SNX30: variants seen among roughly 807,000 people sequenced by gnomAD.
SNX30 encodes sorting nexin family member 30.
A neutral mutation model predicts 46.4 loss-of-function variants in SNX30; 24 were observed. The observed-to-expected ratio is 0.52, with a 90% confidence interval of 0.37 to 0.73. SNX30 has a LOEUF of 0.73. SNX30 is among the 30% of genes least tolerant of loss of function. SNX30 has a pLI of 0.00. For synonymous variants in SNX30, 189 were observed against 211.5 expected, an observed-to-expected ratio of 0.89 and a Z score of 0.92; for missense variants, 533 against 555.7, an observed-to-expected ratio of 0.96 and a Z score of 0.41.
chr9:112,796,390 T>C (rs1211208781), intron 1 of SNX30, among the ~76,000 whole-genome samples: 4 of 152,216 alleles, frequency 2.6e-5, no homozygotes, highest in Admixed American at 2.6e-4. Context: ...AGAGAAGATG[T>C]TGTCCCCCTA....
At chr9:112,757,376 T>C (rs1413093959) in intron 1 of SNX30, among the ~76,000 whole-genome samples, 1 of 152,244 alleles carries the variant, frequency 6.6e-6, no homozygotes, top group Non-Finnish European at 1.5e-5. Flanking sequence ...ACACACACAG[T>C]ACAGTTTCTC....
chr9:112,814,476 A>G (rs1181344438), intron 2 of SNX30, among the ~76,000 whole-genome samples: 2 of 152,148 alleles, frequency 1.3e-5, no homozygotes, highest in African/African-American at 4.8e-5. Flanking sequence ...CCTGGACTCA[A>G]GCTATCTGCC....
chr9:112,880,080 C>T (rs1841559042), exon 5 of SNX30: 2 of 340,388 alleles, frequency 5.9e-6, no homozygotes, highest in Admixed American at 4.3e-5. Context: ...CCTGTAATCC[C>T]AACAGTTTGG....
chr9:112,757,044 TTTA>T (rs1839361096), intron 1 of SNX30, among the ~76,000 whole-genome samples: 1 of 152,208 alleles, frequency 6.6e-6, no homozygotes, highest in Non-Finnish European at 1.5e-5. Flanking sequence ...ACAGTACAAT[TTTA>T]TTATTAATAA....
intron 1 of SNX30, among the ~76,000 whole-genome samples, chr9:112,757,443 A>G (rs1839368835): frequency 6.6e-6 from 1 of 152,222 alleles, no homozygotes; most frequent in African/African-American, 2.4e-5. Flanking sequence ...GCTATTGTGA[A>G]TAATGCTGCA....
chr9:112,853,279 C>G (rs1387397008), intron 7 of SNX30, among the ~76,000 whole-genome samples: 2 of 152,236 alleles, frequency 1.3e-5, no homozygotes. Flanking sequence ...CTGGTTCCTC[C>G]TGCCACAGGC....
chr9:112,804,522 CTT>C (rs1840193800), intron 1 of SNX30, among the ~76,000 whole-genome samples: 1 of 152,184 alleles, frequency 6.6e-6, no homozygotes. Flanking sequence ...GAACTGCTTA[CTT>C]ATATTGGTTT....
chr9:112,783,173 G>T (rs1213810987), intron 1 of SNX30, among the ~76,000 whole-genome samples: 4 of 152,210 alleles, frequency 2.6e-5, no homozygotes, highest in African/African-American at 9.6e-5. Context: ...TTCTTGTCCG[G>T]TAGGTAACTG....
At chr9:112,807,191 G>A (rs1014391565) in intron 2 of SNX30, among the ~76,000 whole-genome samples, 2 of 151,002 alleles carry the variant, frequency 1.3e-5, no homozygotes, top group Admixed American at 1.3e-4. Context: ...TCAGCCTCCC[G>A]AGTAGCTGGG....
At chr9:112,864,498 C>T in intron 8 of SNX30, 99 bp downstream of exon 8, 2 of 1,485,186 alleles carry the variant, frequency 1.3e-6, no homozygotes, top group Non-Finnish European at 1.9e-6. Context: ...AGTCTCATCT[C>T]CTTCCCTTAT....
intron 2 of SNX30, among the ~76,000 whole-genome samples, chr9:112,815,001 C>T (rs1282021242): frequency 1.3e-5 from 2 of 151,962 alleles, no homozygotes; most frequent in East Asian, 1.9e-4. Context: ...CCAAGATGTG[C>T]TAAAAGAGAT....
chr9:112,764,534 G>A (rs984053937), intron 1 of SNX30, among the ~76,000 whole-genome samples: 3 of 152,118 alleles, frequency 2.0e-5, no homozygotes, highest in African/African-American at 7.2e-5. Context: ...GTGTCACTGT[G>A]CCTGGCTAAT....
At chr9:112,832,453 AGAGAGAGTGTGTGTGT>A (rs1161335145) in intron 4 of SNX30, among the ~76,000 whole-genome samples, 6 of 121,324 alleles carry the variant, frequency 4.9e-5, no homozygotes, top group African/African-American at 2.3e-4. Context: ...AGAGAGAGAG[AGAGAGAGTGTGTGTGT>A]GTGTGTGTGT....
downstream of SNX30, among the ~76,000 whole-genome samples, chr9:112,883,129 C>A (rs1013163154): frequency 1.3e-5 from 2 of 152,236 alleles, no homozygotes; most frequent in South Asian, 2.1e-4. Flanking sequence ...TGGAGTTGAG[C>A]AGGGGGAACC....
At chr9:112,863,589 A>T (rs1841272738) in intron 7 of SNX30, among the ~76,000 whole-genome samples, 1 of 152,224 alleles carries the variant, frequency 6.6e-6, no homozygotes, top group Admixed American at 6.5e-5. Flanking sequence ...TGAATTTCAA[A>T]TTTTTTTGAC....
chr9:112,855,280 C>G (rs746649671), intron 7 of SNX30, among the ~76,000 whole-genome samples: 8 of 152,024 alleles, frequency 5.3e-5, no homozygotes, highest in Admixed American at 1.3e-4. Context: ...CCCAGGGCCT[C>G]GGCTAGGTCT....
At chr9:112,848,434 AC>A (rs767079434) in intron 6 of SNX30, among the ~76,000 whole-genome samples, 2 of 152,054 alleles carry the variant, frequency 1.3e-5, no homozygotes, top group Non-Finnish European at 2.9e-5. Context: ...ACGTTGCCCA[AC>A]CTTCAGCGTG....
intron 3 of SNX30, among the ~76,000 whole-genome samples, chr9:112,824,575 T>TA (rs1390394941): frequency 6.6e-6 from 1 of 152,046 alleles, no homozygotes. Flanking sequence ...TTTATTCTCT[T>TA]ACAGCTCTGG....
intron 6 of SNX30, among the ~76,000 whole-genome samples, chr9:112,847,849 C>A (rs1390622808): frequency 6.6e-6 from 1 of 152,190 alleles, no homozygotes; most frequent in African/African-American, 2.4e-5. Flanking sequence ...ATTTTGCCTT[C>A]CCCAAACCCT....
Sources: gnomAD v4.1 joint callset for allele counts (sites outside exome capture counted in the v4.1 genomes callset) on GRCh38, gnomAD v4.1.1 for gene constraint, MANE v1.5 for transcripts, NCBI Gene and HGNC (gene_info 2026-07-23, HGNC 2026-07-21) for gene names.